MARCHF6: variants seen among roughly 807,000 people sequenced by gnomAD.
MARCHF6 encodes membrane associated ring-CH-type finger 6, also known as E3 ubiquitin-protein ligase MARCHF6.
Under a neutral mutation model 133.7 loss-of-function variants are expected in MARCHF6, and 31 were observed. The observed-to-expected ratio is 0.23, with a 90% CI of 0.17 to 0.31. The LOEUF is 0.31. Ranked by LOEUF, MARCHF6 falls within the 10% of genes least tolerant of loss-of-function variation. The pLI is 1.00. For missense variants in MARCHF6, 723 were observed against 1,121.6 expected (o/e 0.64, Z 5.08); for synonymous variants, 395 against 402.5 (o/e 0.98, Z 0.22).
At chr5:10,433,568 G>T (rs774617525) in intron 25 of MARCHF6, 26 bp from the exon 26 acceptor site, 2 of 1,544,650 alleles carry the variant, frequency 1.3e-6, no homozygotes, top group African/African-American at 2.7e-5. Context: ...ATAGAAGAGA[G>T]TAACCACCTT....
chr5:10,379,682 C>T (rs1213441261), intron 3 of MARCHF6, among the ~76,000 whole-genome samples: 8 of 152,154 alleles, frequency 5.3e-5, no homozygotes, highest in South Asian at 4.1e-4. Context: ...AGGATGGTCT[C>T]GATCTCCTGA....
At chr5:10,362,554 A>G (rs1735889749) in intron 1 of MARCHF6, among the ~76,000 whole-genome samples, 1 of 152,248 alleles carries the variant, frequency 6.6e-6, no homozygotes, top group African/African-American at 2.4e-5. Context: ...AGAATATTTA[A>G]AAGTAACAAT....
At chr5:10,378,884 A>G (rs1360241030) in intron 3 of MARCHF6, 52 bp downstream of exon 3, 1 of 1,224,816 alleles carries the variant, frequency 8.2e-7, no homozygotes, top group Non-Finnish European at 1.2e-6. Context: ...CACTCGTGGC[A>G]TAAAGGTGTT....
intron 1 of MARCHF6, among the ~76,000 whole-genome samples, chr5:10,357,148 C>T (rs1413562481): frequency 1.3e-5 from 2 of 151,474 alleles, no homozygotes; most frequent in Admixed American, 6.6e-5. Context: ...GTTAGGAGTC[C>T]GATCCTGTAA....
chr5:10,356,711 A>G (rs1248937439), intron 1 of MARCHF6, among the ~76,000 whole-genome samples: 1 of 152,092 alleles, frequency 6.6e-6, no homozygotes, highest in African/African-American at 2.4e-5. Context: ...TCTGTCCTTT[A>G]AAAATATATT....
At chr5:10,377,443 G>A (rs1239984382) in intron 1 of MARCHF6, among the ~76,000 whole-genome samples, 1 of 152,172 alleles carries the variant, frequency 6.6e-6, no homozygotes, top group African/African-American at 2.4e-5. Context: ...TAAGACTGGA[G>A]TTTAAAACTG....
rs932962762 is a variant in MARCHF6, at chr5:10,405,744, T to A, written c.1452+67T>A. On this transcript the variant is annotated intron_variant, in intron 16 of 25. Transcript: ENST00000274140. The stretch of plus-strand genomic sequence containing the variant: ...GTGCTAACCTATAGTTTTGTTTAGG[T>A]TTTTTTTTCCAGTTCTCAAGCAGGC... The A allele has an allele frequency of 3.8e-5, 54 of 1,428,974 alleles. No homozygotes were observed. The African/African-American group carries it at 7.6e-4, about 20-fold the overall frequency. The allele number at this position is 1,428,974 out of a possible 1,614,324, so 88.5% of individuals were successfully genotyped here. A position where few individuals can be genotyped will look rare whatever the true frequency, so the allele number is the denominator to read the frequency against.
intron 3 of MARCHF6, among the ~76,000 whole-genome samples, chr5:10,379,076 T>TC (rs1423614025): frequency 4.6e-5 from 2 of 43,226 alleles, no homozygotes; most frequent in Non-Finnish European, 1.5e-4. Flanking sequence ...TTTTTTTTTG[T>TC]CTTTAAAATT....
At chr5:10,365,660 A>G (rs1040175678) in intron 1 of MARCHF6, among the ~76,000 whole-genome samples, 2 of 152,192 alleles carry the variant, frequency 1.3e-5, no homozygotes, top group Non-Finnish European at 2.9e-5. Context: ...GTGTATGGGT[A>G]TACGCTCACC....
intron 10 of MARCHF6, among the ~76,000 whole-genome samples, chr5:10,399,307 G>A (rs768723870): frequency 7.9e-5 from 12 of 151,498 alleles, no homozygotes; most frequent in African/African-American, 2.4e-4. Context: ...AAACTAATAC[G>A]TATATATAAT....
At position 10,378,859 on chromosome 5, in the gene MARCHF6, A is replaced by AT. The variant is rs747294659; in HGVS notation, c.190+35dup. The AT allele has an allele frequency of 3.6e-5, 55 of 1,523,552 alleles. 1 individual carries two copies. Among genetic ancestry groups the AT allele is most frequent in the Admixed American group, 1.0e-4 (6 of 58,036 alleles). 94.4% of individuals were successfully genotyped at this position (1,523,552 alleles called of 1,614,324 possible). On this transcript the variant is annotated intron_variant, in intron 3 of 25. Transcript: ENST00000274140. The stretch of plus-strand genomic sequence containing the variant: ...TAAGTTCTTTAGACATTTTCACTGC[A>AT]TTTTTTTTGGTTATCACTCGTGGCA...
intron 1 of MARCHF6, among the ~76,000 whole-genome samples, chr5:10,376,396 A>C (rs1325853108): frequency 6.6e-6 from 1 of 151,908 alleles, no homozygotes; most frequent in Non-Finnish European, 1.5e-5. Context: ...AGAAACTCCG[A>C]ACACGTCCGA....
chr5:10,429,193 GC>G (rs1049706707), intron 24 of MARCHF6, among the ~76,000 whole-genome samples: 1 of 152,120 alleles, frequency 6.6e-6, no homozygotes, highest in African/African-American at 2.4e-5. Context: ...TGATTTTAAA[GC>G]CCCCCAGTCC....
At chr5:10,415,375 T>C (rs921080967) in intron 20 of MARCHF6, 113 bp from the exon 21 acceptor site, 2 of 936,510 alleles carry the variant, frequency 2.1e-6, no homozygotes, top group African/African-American at 1.6e-5. Flanking sequence ...AAGACATTGA[T>C]ATATCGAATG....
intron 1 of MARCHF6, among the ~76,000 whole-genome samples, chr5:10,365,175 G>A (rs916087787): frequency 6.6e-6 from 1 of 152,108 alleles, no homozygotes; most frequent in Non-Finnish European, 1.5e-5. Context: ...TGGCAAGGAG[G>A]CCAGAAAGTG....
chr5:10,423,968 TTTTA>T, intron 23 of MARCHF6, 144 bp downstream of exon 23: 1 of 508,126 alleles, frequency 2.0e-6, no homozygotes, highest in East Asian at 3.1e-5. Context: ...TTTTTTTTTT[TTTTA>T]AAGACAGCAG....
At chr5:10,411,623 G>C (rs1739237621) in intron 19 of MARCHF6, 86 bp downstream of exon 19, 1 of 1,020,298 alleles carries the variant, frequency 9.8e-7, no homozygotes, top group South Asian at 1.6e-5. Context: ...GGTGCTATTA[G>C]TATGCAGTCC....
At chr5:10,408,756 C>G (rs192028226) in intron 17 of MARCHF6, among the ~76,000 whole-genome samples, 106 of 152,258 alleles carry the variant, frequency 7.0e-4, no homozygotes, top group Non-Finnish European at 1.3e-3. Context: ...CTGTGCTGGT[C>G]TTGAATTCCT....
intron 1 of MARCHF6, among the ~76,000 whole-genome samples, chr5:10,361,829 T>C (rs113980807): frequency 0.052 from 7,986 of 152,146 alleles, 711 homozygotes; most frequent in African/African-American, 0.18. Context: ...AATGGCGCGA[T>C]CTCGGCTCAT....
Sources: gnomAD v4.1 joint callset for allele counts (sites outside exome capture counted in the v4.1 genomes callset) on GRCh38, gnomAD v4.1.1 for gene constraint, MANE v1.5 for transcripts, NCBI Gene and HGNC (gene_info 2026-07-23, HGNC 2026-07-21) for gene names.